Variants in TRIO observed in about 807,000 individuals in gnomAD.
The protein encoded by TRIO is trio Rho guanine nucleotide exchange factor.
A neutral mutation model predicts 351.9 loss-of-function variants in TRIO; 58 were observed. That is an observed-to-expected ratio of 0.16 (90% CI 0.13 to 0.21). The LOEUF is 0.21. TRIO is among the 10% of genes least tolerant of loss of function. TRIO has a pLI of 1.00. For synonymous variants in TRIO, 1,758 were observed against 1,595.7 expected (o/e 1.10, Z -2.42); for missense variants, 3,201 against 4,027.8 (o/e 0.79, Z 5.56).
chr5:14,269,899 A>C (rs551308315), intron 1 of TRIO, among the ~76,000 whole-genome samples: 77 of 152,264 alleles, frequency 5.1e-4, no homozygotes, highest in South Asian at 1.0e-3. Flanking sequence ...TTTTTCCTAG[A>C]GATTGTTCTG....
At chr5:14,345,659 C>T (rs1175959130) in intron 11 of TRIO, among the ~76,000 whole-genome samples, 1 of 152,196 alleles carries the variant, frequency 6.6e-6, no homozygotes, top group African/African-American at 2.4e-5. Context: ...CTCTCAGGTT[C>T]AAGCAGTTCT....
chr5:14,497,888 T>C lies in TRIO; in HGVS notation c.8047+14T>C, dbSNP rs374635481. 28 of 1,614,230 alleles carry C rather than the reference T, an allele frequency of 1.7e-5. No homozygotes were observed. In the African/African-American group the frequency reaches 2.9e-4, roughly 17 times the overall value. On this transcript the variant is annotated intron_variant, in intron 51 of 56. Transcript: ENST00000344204. The surrounding 1 kb of genome is among the most constrained non-coding windows in gnomAD (Gnocchi z 4.4). ...ACATTTATGACGGTGAGTTCTGTTC[T>C]TTTTCTTCTAGTCCTAGAGATGATT...
chr5:14,475,485 G>A (rs62345059), intron 40 of TRIO, among the ~76,000 whole-genome samples: 2,751 of 152,314 alleles, frequency 0.018, 36 homozygotes, highest in Admixed American at 0.037. Flanking sequence ...ACCGTGTCAC[G>A]TATCAAGTAG....
intron 33 of TRIO, among the ~76,000 whole-genome samples, chr5:14,411,411 G>T (rs1345255898): frequency 6.6e-6 from 1 of 152,214 alleles, no homozygotes; most frequent in Middle Eastern, 3.2e-3. Context: ...GCGAGATGAG[G>T]TATCCTGTGG....
intron 2 of TRIO, among the ~76,000 whole-genome samples, chr5:14,274,865 T>G (rs1735361163): frequency 6.6e-6 from 1 of 152,236 alleles, no homozygotes; most frequent in Admixed American, 6.5e-5. Context: ...TCCTAAGTTT[T>G]GTTTGCTGAT....
rs928863952 is a variant in TRIO, at chr5:14,258,374, G to A, written c.158-12451G>A. ...ATGCTGTAGGTGCAGAGAGTTGGCC[G>A]GTGAGGGAGTGCCACACACCTTATT... is the stretch of plus-strand genomic sequence containing the variant. On this transcript the variant is annotated intron_variant, in intron 1 of 56. Transcript: ENST00000344204. 2.6e-5 allele frequency among the ~76,000 whole-genome samples: 4 copies of A among 152,116 alleles called. No homozygotes were observed. In the South Asian group the frequency reaches 6.2e-4, roughly 24 times the overall value.
rs1468213703 is a variant in TRIO at position 14,484,994 on chromosome 5, C to T, written c.6658-75C>T. On this transcript the variant is annotated intron_variant, in intron 46 of 56. Coordinates refer to ENST00000344204, the MANE Select transcript of TRIO (RefSeq NM_007118.4). ...ATAGCCCACATTTTCTTTGTCCATTCATCGGTCAGTGGACACATGGTTTGC... is the reference window on the plus strand; with the variant it reads ...ATAGCCCACATTTTCTTTGTCCATTTATCGGTCAGTGGACACATGGTTTGC... 2.9e-6 allele frequency: 4 copies of T among 1,394,704 alleles called. No individual in the cohort carries two copies. In the East Asian group the frequency reaches 9.9e-5, roughly 34 times the overall value. The allele number at this position is 1,394,704 out of a possible 1,614,324, so 86.4% of individuals were successfully genotyped here.
intron 21 of TRIO, among the ~76,000 whole-genome samples, chr5:14,384,122 A>G (rs922881133): frequency 6.6e-6 from 1 of 152,088 alleles, no homozygotes; most frequent in African/African-American, 2.4e-5. Flanking sequence ...CCTCACTCCA[A>G]ACCTAGTGAC....
intron 48 of TRIO, among the ~76,000 whole-genome samples, chr5:14,490,160 T>TC (rs3838238): frequency 0.31 from 47,133 of 152,114 alleles, 7,774 homozygotes; most frequent in Middle Eastern, 0.42. Flanking sequence ...GCACCTATAG[T>TC]CCCAGCTACT....
At chr5:14,481,040 G>T (rs778995125) in intron 43 of TRIO, among the ~76,000 whole-genome samples, 194 bp from the exon 44 acceptor site, 32 of 152,056 alleles carry the variant, frequency 2.1e-4, no homozygotes, top group Admixed American at 3.3e-4. Flanking sequence ...GGCCAAAAAG[G>T]TTAGCTTGTG....
At chr5:14,418,275 G>A (rs368309129) in intron 33 of TRIO, among the ~76,000 whole-genome samples, 2 of 152,260 alleles carry the variant, frequency 1.3e-5, no homozygotes, top group East Asian at 3.9e-4. Flanking sequence ...CTATGCTAAG[G>A]CCTTTGTGTG....
intron 1 of TRIO, among the ~76,000 whole-genome samples, chr5:14,270,204 A>G (rs1414422259): frequency 6.6e-6 from 1 of 152,182 alleles, no homozygotes; most frequent in Non-Finnish European, 1.5e-5. Context: ...TAGTGAGAAG[A>G]GGGACCTTGG....
chr5:14,158,752 G>A (rs1312958750), intron 1 of TRIO, among the ~76,000 whole-genome samples: 4 of 152,154 alleles, frequency 2.6e-5, no homozygotes, highest in Non-Finnish European at 4.4e-5. Context: ...GATTGCTTGA[G>A]CCTAGGAGTT....
chr5:14,257,153 T>C (rs757177105), intron 1 of TRIO, among the ~76,000 whole-genome samples: 40 of 152,380 alleles, frequency 2.6e-4, no homozygotes, highest in Non-Finnish European at 3.8e-4. Flanking sequence ...TCTGTGCCTC[T>C]GGCGACCTCC....
rs762540584 is a variant in TRIO at position 14,316,739 on chromosome 5, A to G, written c.1727A>G (p.Gln576Arg). The G allele has an allele frequency of 1.9e-6, 3 of 1,613,228 alleles. No homozygotes were observed. Among genetic ancestry groups the G allele is most frequent in the Non-Finnish European group, 1.7e-6 (2 of 1,179,520 alleles). Residue 576 changes from glutamine to arginine, a missense_variant, in exon 9 of 57, where the codon CAG becomes CGG. Coordinates refer to ENST00000344204, the MANE Select transcript of TRIO (RefSeq NM_007118.4). ...LQLCVFQQDV[Q>R]QVLDWIENHG... The stretch of plus-strand genomic sequence containing the variant: ...CTGTGTGTTTTCCAGCAGGACGTTC[A>G]GCAGGTCAGTTTCGCCTCATGCCCT...
chr5:14,261,321 G>A (rs892619559), intron 1 of TRIO, among the ~76,000 whole-genome samples: 4 of 152,222 alleles, frequency 2.6e-5, no homozygotes, highest in Non-Finnish European at 1.5e-5. Flanking sequence ...TAGTACAGAT[G>A]TTCTGAGGAG....
chr5:14,259,832 C>T (rs776685458), intron 1 of TRIO, among the ~76,000 whole-genome samples: 5 of 150,984 alleles, frequency 3.3e-5, no homozygotes, highest in South Asian at 2.1e-4. Flanking sequence ...ATTGCTCTTA[C>T]GGGGGTTCTT....
In TRIO at chr5:14,337,001, T is replaced by C. The variant is rs532930002; in HGVS notation, c.2046+274T>C. ...GAGAGACAGAGAACGTCCATTTCTATAAGTAGGGGACCTGCGCGTTGTTGG... is the reference window on the plus strand; with the variant it reads ...GAGAGACAGAGAACGTCCATTTCTACAAGTAGGGGACCTGCGCGTTGTTGG... On this transcript the variant is annotated intron_variant, in intron 11 of 56. Transcript: ENST00000344204. Among the ~76,000 whole-genome samples, 6 of 152,178 alleles carry C rather than the reference T, an allele frequency of 3.9e-5. No individual in the cohort carries two copies. In the East Asian group the frequency reaches 1.2e-3, roughly 29 times the overall value.
intron 2 of TRIO, among the ~76,000 whole-genome samples, chr5:14,275,931 T>G (rs1735470333): frequency 6.8e-6 from 1 of 148,066 alleles, no homozygotes; most frequent in Non-Finnish European, 1.5e-5. Flanking sequence ...TGTTTATATA[T>G]ATGTGTGTCT....
Sources: gnomAD v4.1 joint callset for allele counts (sites outside exome capture counted in the v4.1 genomes callset) on GRCh38, gnomAD v4.1.1 for gene constraint, Gnocchi (gnomAD v3.1) non-coding constraint, MANE v1.5 for transcripts, NCBI Gene and HGNC (gene_info 2026-07-23, HGNC 2026-07-21) for gene names.